Variants in HNRNPH1 observed in about 807,000 individuals in gnomAD.
HNRNPH1 encodes the protein heterogeneous nuclear ribonucleoprotein H.
A neutral mutation model predicts 58.6 loss-of-function variants in HNRNPH1; 4 were observed. The observed-to-expected ratio is 0.07, with a 90% CI of 0.03 to 0.16. The LOEUF is 0.16. Ranked by LOEUF, HNRNPH1 falls within the 10% of genes least tolerant of loss-of-function variation. The pLI, the probability that HNRNPH1 is intolerant of heterozygous loss-of-function variation, is 1.00. For missense variants in HNRNPH1, 271 were observed against 564.2 expected (o/e 0.48, Z 5.26); for synonymous variants, 192 against 189.2 (o/e 1.01, Z -0.12).
intron 4 of HNRNPH1, 74 bp downstream of exon 5, chr5:179,619,192 CTTT>C: frequency 7.9e-7 from 1 of 1,272,234 alleles, no homozygotes; most frequent in African/African-American, 1.5e-5. Flanking sequence ...TTAATTTCTT[CTTT>C]TAAGCAGAGA....
chr5:179,620,360 C>A (rs961469412), intron 3 of HNRNPH1, among the ~76,000 whole-genome samples: 1 of 152,234 alleles, frequency 6.6e-6, no homozygotes, highest in African/African-American at 2.4e-5. Context: ...ACTGAGACTA[C>A]AAGCATTCAA....
At chr5:179,622,350 C>T (rs771205953) in intron 1 of HNRNPH1, among the ~76,000 whole-genome samples, 2 of 152,218 alleles carry the variant, frequency 1.3e-5, no homozygotes, top group Non-Finnish European at 2.9e-5. Context: ...TATTATTTGT[C>T]TAATCACTCG....
exon 11 of HNRNPH1, chr5:179,616,181 C>T (rs1459582050): frequency 6.2e-7 from 1 of 1,614,102 alleles, no homozygotes; most frequent in African/African-American, 1.3e-5. Flanking sequence ...CCCCACTCAG[C>T]TGCTGGCTGG....
chr5:179,617,426 C>A, intron 8 of HNRNPH1, 88 bp downstream of exon 9: 1 of 1,430,078 alleles, frequency 7.0e-7, no homozygotes, highest in South Asian at 1.3e-5. Context: ...GGAAACTTCT[C>A]ATATATCCTT....
At chr5:179,628,016 T>C (rs1013973616), upstream of HNRNPH1, among the ~76,000 whole-genome samples, 1 of 151,258 alleles carries the variant, frequency 6.6e-6, no homozygotes, top group African/African-American at 2.4e-5. Flanking sequence ...AGAGATGGGG[T>C]TTCACCATGT....
At chr5:179,616,586 C>A in intron 10 of HNRNPH1, 2 of 514,224 alleles carry the variant, frequency 3.9e-6, no homozygotes, top group Non-Finnish European at 6.9e-6. Context: ...TTATCTTAAT[C>A]CTGTTTTGCT....
chr5:179,620,772 A>T, intron 3 of HNRNPH1, 120 bp downstream of exon 4: 1 of 799,522 alleles, frequency 1.3e-6, no homozygotes, highest in Non-Finnish European at 2.0e-6. Flanking sequence ...AGAAAACATT[A>T]ATTCATTGGC....
chr5:179,623,556 G>A (rs1308924526), exon 1 of HNRNPH1: 1 of 168,014 alleles, frequency 6.0e-6, no homozygotes, highest in Non-Finnish European at 1.3e-5. Flanking sequence ...CCCTCCCAGA[G>A]ATATGGGGAC....
At chr5:179,615,037 G>T in intron 12 of HNRNPH1, 78 bp from the exon 14 acceptor site, 1 of 917,916 alleles carries the variant, frequency 1.1e-6, no homozygotes, top group Non-Finnish European at 1.7e-6. Flanking sequence ...CCAAGAAAAA[G>T]TTTAAAAAGT....
At chr5:179,616,457 T>C (rs376389551) in intron 10 of HNRNPH1, 21 of 553,856 alleles carry the variant, frequency 3.8e-5, no homozygotes, top group Middle Eastern at 4.8e-4. Context: ...AAAATCAACA[T>C]GATTCCGTAA....
upstream of HNRNPH1, among the ~76,000 whole-genome samples, chr5:179,625,744 C>A (rs1429599879): frequency 6.6e-6 from 1 of 150,626 alleles, no homozygotes; most frequent in Admixed American, 6.6e-5. Flanking sequence ...AATTGTCCAA[C>A]TTATATTAAA....
At chr5:179,614,311 G>A (rs543793490) in exon 13 of HNRNPH1, 1 of 150,664 alleles carries the variant, frequency 6.6e-6, no homozygotes, top group Non-Finnish European at 1.5e-5. Context: ...AAAATCCTAA[G>A]TATTGGTATT....
At chr5:179,632,861 T>TTC (rs1381261205) in intron 2 of HNRNPH1, among the ~76,000 whole-genome samples, 1 of 137,830 alleles carries the variant, frequency 7.3e-6, no homozygotes, top group East Asian at 2.2e-4. Context: ...ATTTTTTTTT[T>TTC]TTTTTTTTTT....
chr5:179,622,551 A>G (rs1459929294), intron 1 of HNRNPH1, among the ~76,000 whole-genome samples: 1 of 152,128 alleles, frequency 6.6e-6, no homozygotes, highest in Non-Finnish European at 1.5e-5. Flanking sequence ...TCTCTACTAA[A>G]AATACAAAAA....
In HNRNPH1 at chr5:179,630,166, T is replaced by C. The variant is rs150366782; in HGVS notation, c.-32+3899A>G. On this transcript the variant is annotated intron_variant, in intron 2 of 4. Coordinates refer to the HNRNPH1 transcript ENST00000521116. ...GAGTTCAAGACCAGCCTGACCAACA[T>C]AGAGAAACCCTGTCTCTACTAAAAA... is the stretch of plus-strand genomic sequence containing the variant. Among the ~76,000 whole-genome samples, 727 of 151,630 alleles carry C rather than the reference T, an allele frequency of 4.8e-3. 6 individuals are homozygous for C. The highest frequency in any genetic ancestry group is 0.017 in the African/African-American group (688 of 41,308).
At chr5:179,628,082 CA>C (rs1406281647), upstream of HNRNPH1, among the ~76,000 whole-genome samples, 3 of 152,086 alleles carry the variant, frequency 2.0e-5, no homozygotes, top group Non-Finnish European at 4.4e-5. Flanking sequence ...CTTAGCCTCC[CA>C]AAGTGCTGTG....
At chr5:179,632,129 A>C (rs1201254430) in intron 2 of HNRNPH1, among the ~76,000 whole-genome samples, 1 of 151,480 alleles carries the variant, frequency 6.6e-6, no homozygotes, top group Non-Finnish European at 1.5e-5. Flanking sequence ...ACACGGTGAA[A>C]CCCCGTCTCT....
intron 2 of HNRNPH1, among the ~76,000 whole-genome samples, chr5:179,633,601 C>T (rs963947806): frequency 1.3e-5 from 2 of 151,822 alleles, no homozygotes; most frequent in South Asian, 2.1e-4. Flanking sequence ...CGTGAGCCAC[C>T]GTGCCCTGCC....
chr5:179,623,272 T>C, exon 1 of HNRNPH1: 1 of 524,500 alleles, frequency 1.9e-6, no homozygotes, highest in South Asian at 1.9e-5. Flanking sequence ...ACCGGGCGGA[T>C]GCACCCACCC....
Sources: allele counts gnomAD v4.1 joint callset (sites outside exome capture counted in the v4.1 genomes callset), GRCh38; gene constraint gnomAD v4.1.1; transcripts MANE v1.5; gene names NCBI Gene and HGNC (gene_info 2026-07-23, HGNC 2026-07-21).